ATP10B: variants seen among roughly 807,000 people sequenced by gnomAD.
The protein encoded by ATP10B is phospholipid-transporting ATPase VB.
ATP10B carries 122 observed loss-of-function variants against 141.2 expected under a neutral mutation model. The observed-to-expected ratio is 0.86, with a 90% confidence interval of 0.75 to 1.00. ATP10B has a LOEUF of 1.00. ATP10B is among the 50% of genes least tolerant of loss of function. The probability of loss-of-function intolerance (pLI) is 0.00; values close to 1 mark genes in which losing one functional copy is unlikely to be tolerated. For synonymous variants in ATP10B, 685 were observed against 692.0 expected (o/e 0.99, Z 0.16); for missense variants, 1,876 against 1,825.3 (o/e 1.03, Z -0.51).
intron 1 of ATP10B, among the ~76,000 whole-genome samples, chr5:160,830,284 G>A (rs1194688528): frequency 6.6e-6 from 1 of 151,968 alleles, no homozygotes; most frequent in Non-Finnish European, 1.5e-5. Flanking sequence ...TTTCTTTAAT[G>A]TTCTATTTTT....
At chr5:160,852,862 TAAAAG>T (rs1049920427), upstream of ATP10B, among the ~76,000 whole-genome samples, 5 of 151,658 alleles carry the variant, frequency 3.3e-5, no homozygotes, top group African/African-American at 9.7e-5. Flanking sequence ...GGTCCATAAA[TAAAAG>T]AGAAGGTAGA....
chr5:160,854,070 G>A (rs927635764), upstream of ATP10B, among the ~76,000 whole-genome samples: 1 of 152,106 alleles, frequency 6.6e-6, no homozygotes, highest in Non-Finnish European at 1.5e-5. Flanking sequence ...AAGAAGCAAT[G>A]GTAGACAGAG....
chr5:160,900,744 A>G, the ATP10B span, among the ~76,000 whole-genome samples: 1 of 152,160 alleles, frequency 6.6e-6, no homozygotes, highest in Non-Finnish European at 1.5e-5. Flanking sequence ...AGTTAGAAGC[A>G]TATACACCAA....
At chr5:160,869,762 G>C in the ATP10B span, among the ~76,000 whole-genome samples, 1 of 152,146 alleles carries the variant, frequency 6.6e-6, no homozygotes, top group Non-Finnish European at 1.5e-5. Context: ...CCTGGGCCAG[G>C]ATAGGAAAAG....
the ATP10B span, among the ~76,000 whole-genome samples, chr5:160,894,413 G>A: frequency 3.3e-5 from 5 of 151,824 alleles, no homozygotes; most frequent in Non-Finnish European, 5.9e-5. Flanking sequence ...GCATATACAA[G>A]TATCAATAGC....
Position 160,634,407 on chromosome 5 carries a change from A to T in ATP10B, c.1328T>A (p.Met443Lys). The stretch of plus-strand genomic sequence containing the variant: ...CATGATGGTGCAACGTCGGAACACC[A>T]TCTTGTTCTCTGTCAGGGTCCCCGT... ...DKTGTLTENKMVFRRCTIMGS... is the reference protein window; with the variant it reads ...DKTGTLTENKKVFRRCTIMGS... The change falls in exon 12 of 26, where the codon ATG becomes AAG. Residue 443 changes from methionine (M) to lysine (K), a missense_variant. Transcript: ENST00000327245. 1.2e-6 allele frequency: 2 copies of T among 1,614,180 alleles called. No individual in the cohort carries two copies. Among genetic ancestry groups the T allele is most frequent in the Non-Finnish European group, 1.7e-6 (2 of 1,180,036 alleles).
intron 3 of ATP10B, among the ~76,000 whole-genome samples, chr5:160,693,567 A>C (rs1394627914): frequency 6.6e-6 from 1 of 152,112 alleles, no homozygotes; most frequent in Non-Finnish European, 1.5e-5. Context: ...CTCCAGGTAG[A>C]AGAACGAGTT....
At chr5:160,761,277 G>A (rs1769012912) in intron 2 of ATP10B, among the ~76,000 whole-genome samples, 1 of 152,120 alleles carries the variant, frequency 6.6e-6, no homozygotes. Flanking sequence ...TACAACCAAG[G>A]ACTCTCACAC....
chr5:160,589,772 G>T, intron 23 of ATP10B, 76 bp from the exon 24 acceptor site: 1 of 1,095,262 alleles, frequency 9.1e-7, no homozygotes, highest in Non-Finnish European at 1.4e-6. Flanking sequence ...TGATTATAAA[G>T]CATCAATGAA....
chr5:160,802,929 A>C (rs1772485533), intron 1 of ATP10B, among the ~76,000 whole-genome samples: 1 of 152,108 alleles, frequency 6.6e-6, no homozygotes, highest in Non-Finnish European at 1.5e-5. Flanking sequence ...AAAAGGCAGG[A>C]GGGGAGATAA....
intron 2 of ATP10B, among the ~76,000 whole-genome samples, chr5:160,724,998 C>A (rs1388646259): frequency 6.6e-6 from 1 of 152,112 alleles, no homozygotes; most frequent in African/African-American, 2.4e-5. Flanking sequence ...CTGTTTTGTT[C>A]ATTGCTTTTT....
chr5:160,921,134 G>C, the ATP10B span, among the ~76,000 whole-genome samples: 1 of 151,978 alleles, frequency 6.6e-6, no homozygotes, highest in East Asian at 1.9e-4. Context: ...TTCCTCTACA[G>C]GATCAAATAT....
chr5:160,658,262 ATG>A (rs1761645034), intron 7 of ATP10B, among the ~76,000 whole-genome samples: 1 of 152,194 alleles, frequency 6.6e-6, no homozygotes, highest in African/African-American at 2.4e-5. Flanking sequence ...AGCAAAGTCC[ATG>A]GGAGCACAGA....
At chr5:160,826,828 C>T (rs1248907960) in intron 1 of ATP10B, among the ~76,000 whole-genome samples, 3 of 152,084 alleles carry the variant, frequency 2.0e-5, no homozygotes, top group African/African-American at 7.2e-5. Flanking sequence ...CTGAAATATG[C>T]CCTGGTCTCC....
At position 160,656,173 on chromosome 5, in the gene ATP10B, A is replaced by G. The variant is rs17058070; in HGVS notation, c.676-6917T>C. Among the ~76,000 whole-genome samples the G allele has an allele frequency of 7.0e-3, 1,071 of 152,296 alleles. 18 individuals carry two copies. Among genetic ancestry groups the G allele is most frequent in the African/African-American group, 0.023 (962 of 41,550 alleles). ...ACATGATTAAATAAATATATGAATG[A>G]TCTTTTGAAATTGTTTGTAATGGAT... On this transcript the variant is annotated intron_variant, in intron 7 of 25. Coordinates refer to ENST00000327245, the MANE Select transcript of ATP10B (RefSeq NM_025153.3).
chr5:160,885,391 A>G, the ATP10B span, among the ~76,000 whole-genome samples: 1,917 of 152,152 alleles, frequency 0.013, 39 homozygotes, highest in African/African-American at 0.044. Flanking sequence ...TCAGTGAGTG[A>G]GTGTCTTCTC....
chr5:160,857,657 T>C, the ATP10B span, among the ~76,000 whole-genome samples: 1 of 151,876 alleles, frequency 6.6e-6, no homozygotes, highest in Non-Finnish European at 1.5e-5. Context: ...GATATAAATT[T>C]CTCTCTTGGC....
chr5:160,746,816 A>G (rs761104370), intron 2 of ATP10B, among the ~76,000 whole-genome samples: 23 of 152,318 alleles, frequency 1.5e-4, no homozygotes, highest in Non-Finnish European at 2.8e-4. Context: ...TGGATGATTA[A>G]GACCATCTCA....
At chr5:160,755,814 CAAAAAAAAAAAAAAA>C (rs763385041) in intron 2 of ATP10B, among the ~76,000 whole-genome samples, 1 of 48,158 alleles carries the variant, frequency 2.1e-5, no homozygotes, top group Non-Finnish European at 3.9e-5. Context: ...GACTCCGTCT[CAAAAAAAAAAAAAAA>C]AAAAAAAAAA....
Sources: allele counts gnomAD v4.1 joint callset (sites outside exome capture counted in the v4.1 genomes callset), GRCh38; gene constraint gnomAD v4.1.1; transcripts MANE v1.5; gene names NCBI Gene and HGNC (gene_info 2026-07-23, HGNC 2026-07-21).